TENM2: variants seen among roughly 807,000 people sequenced by gnomAD.
TENM2 encodes the protein teneurin transmembrane protein 2.
TENM2 carries 52 observed loss-of-function variants against 245.2 expected under a neutral mutation model. That is an observed-to-expected ratio of 0.21 (90% CI 0.17 to 0.27). The LOEUF is 0.27. TENM2 is among the 10% of genes least tolerant of loss of function. TENM2 has a pLI of 1.00. For missense variants in TENM2, 3,046 were observed against 3,666.8 expected (o/e 0.83, Z 4.37); for synonymous variants, 1,363 against 1,438.9 (o/e 0.95, Z 1.19).
At chr5:167,533,213 T>A (rs980251344) in intron 2 of TENM2, among the ~76,000 whole-genome samples, 8 of 152,066 alleles carry the variant, frequency 5.3e-5, no homozygotes, top group Non-Finnish European at 5.9e-5. Flanking sequence ...TGAAAGGGTT[T>A]AGTAAGAGTT....
chr5:167,901,453 G>C (rs1337337139), intron 3 of TENM2, among the ~76,000 whole-genome samples: 2 of 152,194 alleles, frequency 1.3e-5, no homozygotes, highest in Non-Finnish European at 2.9e-5. Flanking sequence ...ACAGCACCAT[G>C]AACCAGCACG....
chr5:167,293,987 T>C (rs1171128492), intron 1 of TENM2, among the ~76,000 whole-genome samples: 1 of 151,654 alleles, frequency 6.6e-6, no homozygotes, highest in African/African-American at 2.4e-5. Context: ...TGTGTGTGTG[T>C]GTGTGTGTGT....
intron 2 of TENM2, among the ~76,000 whole-genome samples, chr5:167,845,740 T>C (rs1769985067): frequency 6.6e-6 from 1 of 152,168 alleles, no homozygotes; most frequent in South Asian, 2.1e-4. Flanking sequence ...ATTCTTAACC[T>C]GTTTTCAAAA....
chr5:166,981,074 G>A, the TENM2 span, among the ~76,000 whole-genome samples: 2 of 152,128 alleles, frequency 1.3e-5, no homozygotes, highest in Non-Finnish European at 2.9e-5. Context: ...AACTCAACTA[G>A]TCAGATCTTC....
At chr5:168,246,578 C>T (rs1218079058) in intron 26 of TENM2, among the ~76,000 whole-genome samples, 179 bp from the exon 29 acceptor site, 1 of 152,208 alleles carries the variant, frequency 6.6e-6, no homozygotes, top group East Asian at 1.9e-4. Flanking sequence ...TCTAGGCAAC[C>T]ACCATGATCC....
rs188122757 is a variant in TENM2, at chr5:167,801,677, G to A, written c.503-74309G>A. Among the ~76,000 whole-genome samples the A allele has an allele frequency of 4.6e-5, 7 of 152,196 alleles. No homozygotes were observed. The East Asian group carries it at 5.8e-4, about 13-fold the overall frequency. On this transcript the variant is annotated intron_variant, in intron 2 of 28. Coordinates refer to ENST00000518659, the Ensembl canonical transcript of TENM2. ...CAGGTTAGAACCAAACATTGGCAGG[G>A]GCAGGGGATATGCCTCCTGAGAGAT...
intron 2 of TENM2, among the ~76,000 whole-genome samples, chr5:167,795,273 G>A (rs1014067390): frequency 1.3e-5 from 2 of 152,176 alleles, no homozygotes; most frequent in Non-Finnish European, 2.9e-5. Flanking sequence ...AAATGTGCAG[G>A]AAACACAGGT....
At chr5:167,434,654 C>G (rs1023631581) in intron 2 of TENM2, among the ~76,000 whole-genome samples, 1 of 151,990 alleles carries the variant, frequency 6.6e-6, no homozygotes, top group African/African-American at 2.4e-5. Context: ...GTCCACAACA[C>G]AATACTCTGT....
intron 2 of TENM2, among the ~76,000 whole-genome samples, chr5:167,742,382 C>A (rs972907202): frequency 2.8e-5 from 4 of 145,120 alleles, no homozygotes; most frequent in East Asian, 2.1e-4. Flanking sequence ...AAAAAAAAAA[C>A]CCTGAAGTTC....
At chr5:167,095,194 G>C in the TENM2 span, among the ~76,000 whole-genome samples, 1 of 152,188 alleles carries the variant, frequency 6.6e-6, no homozygotes, top group Admixed American at 6.5e-5. Flanking sequence ...ACATGAGGAG[G>C]ATGACCGTAG....
At chr5:167,943,395 A>G (rs2151784879) in intron 3 of TENM2, among the ~76,000 whole-genome samples, 1 of 152,246 alleles carries the variant, frequency 6.6e-6, no homozygotes, top group African/African-American at 2.4e-5. Context: ...TAAACATCTC[A>G]AAGAGAGAGA....
At chr5:167,228,396 GA>G in the TENM2 span, among the ~76,000 whole-genome samples, 1 of 151,518 alleles carries the variant, frequency 6.6e-6, no homozygotes, top group Non-Finnish European at 1.5e-5. Context: ...GTATTTCATT[GA>G]ATAAGTTCTT....
At chr5:167,589,280 T>C (rs1218230895) in intron 2 of TENM2, among the ~76,000 whole-genome samples, 2 of 152,150 alleles carry the variant, frequency 1.3e-5, no homozygotes, top group Non-Finnish European at 2.9e-5. Flanking sequence ...CCACACAACC[T>C]TTCATGTGTT....
At chr5:167,065,816 A>G in the TENM2 span, among the ~76,000 whole-genome samples, 1 of 152,254 alleles carries the variant, frequency 6.6e-6, no homozygotes, top group African/African-American at 2.4e-5. Flanking sequence ...ATCATAGACA[A>G]CAGTGGTCAG....
chr5:167,245,284 C>G, the TENM2 span, among the ~76,000 whole-genome samples: 1 of 152,144 alleles, frequency 6.6e-6, no homozygotes, highest in African/African-American at 2.4e-5. Context: ...ACAAAGGGTG[C>G]ACGGTAGCTC....
intron 12 of TENM2, among the ~76,000 whole-genome samples, chr5:168,159,708 G>A (rs1234444026): frequency 6.6e-6 from 1 of 152,160 alleles, no homozygotes; most frequent in African/African-American, 2.4e-5. Flanking sequence ...ATTACCAGCT[G>A]CCCTGAAACT....
At chr5:167,356,001 G>A (rs562247898) in intron 1 of TENM2, among the ~76,000 whole-genome samples, 47 of 150,802 alleles carry the variant, frequency 3.1e-4, no homozygotes, top group African/African-American at 1.1e-3. Context: ...TGGCCAACAC[G>A]GTGAAACCCC....
the TENM2 span, among the ~76,000 whole-genome samples, chr5:167,135,826 A>G: frequency 1.3e-5 from 2 of 152,198 alleles, no homozygotes; most frequent in Non-Finnish European, 2.9e-5. Flanking sequence ...TATTTTGACA[A>G]TTCTTACAGA....
chr5:167,228,383 T>C, the TENM2 span, among the ~76,000 whole-genome samples: 2 of 151,850 alleles, frequency 1.3e-5, no homozygotes, highest in Non-Finnish European at 2.9e-5. Context: ...TCAAATGTAT[T>C]TTGTATTTCA....
Sources: allele counts gnomAD v4.1 joint callset (sites outside exome capture counted in the v4.1 genomes callset), GRCh38; gene constraint gnomAD v4.1.1; transcripts MANE v1.5; gene names NCBI Gene and HGNC (gene_info 2026-07-23, HGNC 2026-07-21).